The following SLC25A26 variants were observed in gnomAD, a reference collection of about 807,000 sequenced individuals.
SLC25A26 encodes the protein mitochondrial S-adenosylmethionine carrier protein.
In SLC25A26, 36 loss-of-function variants were observed where a neutral mutation model predicts 37.8. The observed-to-expected ratio is 0.95, with a 90% CI of 0.73 to 1.26. The LOEUF is 1.26. Among genes scored for constraint, SLC25A26 ranks in the 50% most tolerant of loss-of-function variants. The pLI, the probability that SLC25A26 is intolerant of heterozygous loss-of-function variation, is 0.00. For synonymous variants in SLC25A26, 129 were observed against 122.5 expected (o/e 1.05, Z -0.35); for missense variants, 390 against 331.1 (o/e 1.18, Z -1.38).
intron 6 of SLC25A26, 56 bp from the exon 7 acceptor site, chr3:66,362,804 G>T: frequency 2.3e-6 from 3 of 1,303,292 alleles, no homozygotes; most frequent in Non-Finnish European, 1.1e-6. Flanking sequence ...CCCACAGGAG[G>T]TTCCGATAAA....
intron 5 of SLC25A26, among the ~76,000 whole-genome samples, chr3:66,333,722 C>T (rs191016795): frequency 2.6e-5 from 4 of 152,186 alleles, no homozygotes; most frequent in Non-Finnish European, 5.9e-5. Flanking sequence ...GTTCCCCACC[C>T]AAGGGTCATC....
chr3:66,204,786 T>C (rs1362579183), intron 1 of SLC25A26, among the ~76,000 whole-genome samples: 3 of 152,236 alleles, frequency 2.0e-5, no homozygotes, highest in East Asian at 1.9e-4. Context: ...AGATTATCAA[T>C]GTCTGCCGTG....
At chr3:66,171,935 C>G (rs1419994684) in intron 1 of SLC25A26, among the ~76,000 whole-genome samples, 1 of 152,196 alleles carries the variant, frequency 6.6e-6, no homozygotes, top group East Asian at 1.9e-4. Context: ...TTCCTTACCC[C>G]CTTTCCTGTA....
rs782552202 is a variant in SLC25A26 at position 66,221,046 on chromosome 3, C to T, written c.-49C>T. The stretch of plus-strand genomic sequence containing the variant: ...GGCGCCCAGCGCGCGAGGACGTGAT[C>T]CGCTTCTGCTCCGGCTTGGATTGTA... On this transcript the variant is annotated 5_prime_UTR_variant, in exon 1 of 10. Transcript: ENST00000354883. The T allele has an allele frequency of 4.9e-5, 75 of 1,533,794 alleles. No homozygotes were observed. The highest frequency in any genetic ancestry group is 5.9e-5 in the Non-Finnish European group (68 of 1,144,476).
chr3:66,152,366 A>G (rs941235619), intron 1 of SLC25A26, among the ~76,000 whole-genome samples: 2 of 152,220 alleles, frequency 1.3e-5, no homozygotes, highest in Admixed American at 6.5e-5. Flanking sequence ...CAAGTAAGGG[A>G]AACCCCAGAT....
chr3:66,164,072 A>G (rs915005909), intron 1 of SLC25A26, among the ~76,000 whole-genome samples: 2 of 152,220 alleles, frequency 1.3e-5, no homozygotes, highest in Non-Finnish European at 2.9e-5. Context: ...AACAATTAAT[A>G]CTTAAAACTT....
At chr3:66,265,320 T>G (rs1008509314) in intron 5 of SLC25A26, among the ~76,000 whole-genome samples, 4 of 151,832 alleles carry the variant, frequency 2.6e-5, no homozygotes, top group African/African-American at 4.8e-5. Context: ...AGAAAAAAAA[T>G]AAAAATAAAA....
At chr3:66,154,371 T>C (rs183390175) in intron 1 of SLC25A26, among the ~76,000 whole-genome samples, 1 of 152,252 alleles carries the variant, frequency 6.6e-6, no homozygotes, top group Admixed American at 6.5e-5. Context: ...GGATGCCTTC[T>C]GCCTCATTTC....
intron 5 of SLC25A26, among the ~76,000 whole-genome samples, chr3:66,331,064 T>C (rs1365972508): frequency 6.6e-6 from 1 of 152,090 alleles, no homozygotes; most frequent in Non-Finnish European, 1.5e-5. Context: ...GAGAGCCTTA[T>C]TTAAAGTGCT....
intron 1 of SLC25A26, among the ~76,000 whole-genome samples, chr3:66,231,618 T>A (rs2072035731): frequency 6.6e-6 from 1 of 152,196 alleles, no homozygotes; most frequent in Admixed American, 6.5e-5. Flanking sequence ...ATTTACTGTT[T>A]ATGTTCCAGA....
At chr3:66,240,498 G>T (rs1465590809) in intron 2 of SLC25A26, among the ~76,000 whole-genome samples, 2 of 152,032 alleles carry the variant, frequency 1.3e-5, no homozygotes, top group Non-Finnish European at 2.9e-5. Flanking sequence ...ATGTTGTCCA[G>T]TCTGGTCTTG....
At chr3:66,203,838 T>C (rs1357927115) in intron 1 of SLC25A26, among the ~76,000 whole-genome samples, 4 of 152,300 alleles carry the variant, frequency 2.6e-5, no homozygotes, top group African/African-American at 9.6e-5. Context: ...TAGTACTCTA[T>C]AGGATTACTT....
upstream of SLC25A26, among the ~76,000 whole-genome samples, chr3:66,219,435 G>A (rs1447278080): frequency 6.6e-6 from 1 of 152,188 alleles, no homozygotes; most frequent in Non-Finnish European, 1.5e-5. Flanking sequence ...TAATAAAAAT[G>A]GAGATTATCC....
At chr3:66,325,832 C>T (rs1433676315) in intron 5 of SLC25A26, among the ~76,000 whole-genome samples, 1 of 152,160 alleles carries the variant, frequency 6.6e-6, no homozygotes, top group East Asian at 1.9e-4. Context: ...GTTTTATAAA[C>T]AGAAGGTGAT....
intron 1 of SLC25A26, among the ~76,000 whole-genome samples, chr3:66,137,687 T>G (rs1025195398): frequency 7.9e-5 from 12 of 152,346 alleles, no homozygotes; most frequent in African/African-American, 2.6e-4. Context: ...TCTGTGTGAC[T>G]GTGAGCTTCC....
intron 5 of SLC25A26, among the ~76,000 whole-genome samples, chr3:66,325,201 T>G (rs949439953): frequency 2.6e-5 from 4 of 152,166 alleles, no homozygotes; most frequent in African/African-American, 9.7e-5. Context: ...AGGCATATAT[T>G]CAGTGAAAAA....
At chr3:66,232,271 A>G (rs1015526019) in intron 1 of SLC25A26, among the ~76,000 whole-genome samples, 2 of 152,162 alleles carry the variant, frequency 1.3e-5, no homozygotes, top group African/African-American at 4.8e-5. Flanking sequence ...TTTGATAATG[A>G]CAGAGAATCA....
intron 1 of SLC25A26, among the ~76,000 whole-genome samples, chr3:66,139,326 A>G (rs1463219272): frequency 2.0e-5 from 3 of 152,164 alleles, no homozygotes; most frequent in African/African-American, 7.2e-5. Context: ...GCTTAATTCA[A>G]AGTTGTTAAA....
intron 1 of SLC25A26, among the ~76,000 whole-genome samples, chr3:66,225,787 T>C (rs903509705): frequency 1.3e-5 from 2 of 152,204 alleles, no homozygotes; most frequent in African/African-American, 4.8e-5. Flanking sequence ...AAGTTCAAAA[T>C]TTCACAGATC....
Sources: gnomAD v4.1 joint callset for allele counts (sites outside exome capture counted in the v4.1 genomes callset) on GRCh38, gnomAD v4.1.1 for gene constraint, MANE v1.5 for transcripts, NCBI Gene and HGNC (gene_info 2026-07-23, HGNC 2026-07-21) for gene names.